The following OR7E24 variants were observed in gnomAD, a reference collection of about 807,000 sequenced individuals.
OR7E24 encodes the protein olfactory receptor 7E24.
For missense variants in OR7E24, 385 were observed against 410.3 expected (o/e 0.94, Z 0.53); for synonymous variants, 130 against 157.5 (o/e 0.83, Z 1.31).
chr19:9,209,201 T>A, the OR7E24 span: 1 of 152,154 alleles, frequency 6.6e-6, no homozygotes, highest in East Asian at 1.9e-4. Context: ...GTAGAAAAAA[T>A]GTGGGATTTA....
the OR7E24 span, among the ~76,000 whole-genome samples, chr19:9,234,472 C>T: frequency 1.3e-5 from 2 of 152,160 alleles, no homozygotes; most frequent in Non-Finnish European, 2.9e-5. Flanking sequence ...AATAAACGTA[C>T]ACTTAGATAA....
the OR7E24 span, among the ~76,000 whole-genome samples, chr19:9,216,585 C>G: frequency 6.6e-6 from 1 of 151,950 alleles, no homozygotes; most frequent in African/African-American, 2.4e-5. Flanking sequence ...CACATATGAA[C>G]TTTTGTTCTT....
the OR7E24 span, among the ~76,000 whole-genome samples, chr19:9,216,217 A>T: frequency 6.6e-6 from 1 of 151,628 alleles, no homozygotes; most frequent in Non-Finnish European, 1.5e-5. Flanking sequence ...GTCATCATGA[A>T]CTCCTGCCTC....
At chr19:9,226,599 A>G in the OR7E24 span, among the ~76,000 whole-genome samples, 10 of 152,368 alleles carry the variant, frequency 6.6e-5, 1 homozygote, top group Admixed American at 6.5e-5. Context: ...TTTAGGCTAA[A>G]TTGTGAGAGC....
chr19:9,211,132 T>A, the OR7E24 span: 3 of 152,330 alleles, frequency 2.0e-5, no homozygotes, highest in Admixed American at 6.5e-5. Context: ...TTCCCTGCAC[T>A]GACAGAACTC....
chr19:9,244,896 C>A (rs1415496477), upstream of OR7E24, among the ~76,000 whole-genome samples: 2 of 152,062 alleles, frequency 1.3e-5, no homozygotes, highest in African/African-American at 4.8e-5. Flanking sequence ...AGCAACCAAA[C>A]AAATGCCCAT....
chr19:9,252,190 T>A lies in OR7E24; in HGVS notation c.*127T>A. ...TGAATATTGCTTGCTTTGTTTTGTC[T>A]TTAATTGCAATGGGTGAGTATTCTG... On this transcript the variant is annotated 3_prime_UTR_variant, in exon 1 of 1. Coordinates refer to ENST00000456448, the MANE Select transcript of OR7E24 (RefSeq NM_001079935.2). 1 of 735,186 alleles carries A rather than the reference T, an allele frequency of 1.4e-6. No individual in the cohort carries two copies. 45.5% of individuals were successfully genotyped at this position (735,186 alleles called of 1,614,324 possible). A position where few individuals can be genotyped will look rare whatever the true frequency, so the allele number is the denominator to read the frequency against.
upstream of OR7E24, among the ~76,000 whole-genome samples, chr19:9,248,767 C>G (rs749480114): frequency 5.3e-5 from 8 of 152,222 alleles, no homozygotes; most frequent in African/African-American, 9.6e-5. Context: ...CATTTCTATT[C>G]AGGAAACCGG....
chr19:9,221,340 C>CTTTTT, the OR7E24 span, among the ~76,000 whole-genome samples: 7 of 81,180 alleles, frequency 8.6e-5, 1 homozygote, highest in African/African-American at 5.2e-4. Flanking sequence ...GTCTTTTGCC[C>CTTTTT]TTTTTTTTTT....
At chr19:9,235,034 GA>G in the OR7E24 span, 3 of 551,046 alleles carry the variant, frequency 5.4e-6, no homozygotes, top group Non-Finnish European at 9.6e-6. Context: ...CCAAATGGCT[GA>G]GTGAATCAGG....
chr19:9,216,496 A>G, the OR7E24 span, among the ~76,000 whole-genome samples: 1 of 152,196 alleles, frequency 6.6e-6, no homozygotes, highest in Non-Finnish European at 1.5e-5. Flanking sequence ...CTATGTGGGA[A>G]TATTGAAGAG....
the OR7E24 span, among the ~76,000 whole-genome samples, chr19:9,220,341 A>G: frequency 7.4e-4 from 112 of 152,302 alleles, no homozygotes; most frequent in African/African-American, 2.6e-3. Flanking sequence ...CCACAACACC[A>G]ACACTACTCC....
chr19:9,242,748 A>G (rs536882293), upstream of OR7E24, among the ~76,000 whole-genome samples: 11 of 152,270 alleles, frequency 7.2e-5, no homozygotes, highest in South Asian at 2.1e-3. Context: ...TGTTCTGATG[A>G]TTCATAGTAA....
chr19:9,209,883 G>C, the OR7E24 span: 1 of 152,048 alleles, frequency 6.6e-6, no homozygotes, highest in Non-Finnish European at 1.5e-5. Context: ...TCGAACTCTT[G>C]ACCTTGTGAT....
chr19:9,231,456 T>C, the OR7E24 span, among the ~76,000 whole-genome samples: 1 of 152,260 alleles, frequency 6.6e-6, no homozygotes, highest in African/African-American at 2.4e-5. Context: ...GGCGCATGCC[T>C]GTAGTCCCAG....
At chr19:9,232,005 T>C in the OR7E24 span, among the ~76,000 whole-genome samples, 2 of 152,156 alleles carry the variant, frequency 1.3e-5, no homozygotes, top group Non-Finnish European at 2.9e-5. Context: ...CTTAGGCAGC[T>C]AGTGAGGGTA....
chr19:9,233,425 C>A, the OR7E24 span, among the ~76,000 whole-genome samples: 9 of 152,102 alleles, frequency 5.9e-5, no homozygotes, highest in Non-Finnish European at 1.2e-4. Context: ...CACTGCAACC[C>A]CACTGGAAAG....
chr19:9,246,522 CTCCCCTTGT>C (rs1156242299), upstream of OR7E24, among the ~76,000 whole-genome samples: 2 of 126,918 alleles, frequency 1.6e-5, no homozygotes, highest in Non-Finnish European at 3.4e-5. Context: ...GTGTTTTCTT[CTCCCCTTGT>C]GCGTTTCCTG....
chr19:9,219,992 G>C, the OR7E24 span, among the ~76,000 whole-genome samples: 2 of 151,976 alleles, frequency 1.3e-5, no homozygotes, highest in Non-Finnish European at 2.9e-5. Context: ...GGATCCCTCG[G>C]TGTTGAAAAT....
Sources: allele counts gnomAD v4.1 joint callset (sites outside exome capture counted in the v4.1 genomes callset), GRCh38; gene constraint gnomAD v4.1.1; transcripts MANE v1.5; gene names NCBI Gene and HGNC (gene_info 2026-07-23, HGNC 2026-07-21).